SLC17A5: variants seen among roughly 807,000 people sequenced by gnomAD.
SLC17A5 encodes sialin.
Under a neutral mutation model 59.4 loss-of-function variants are expected in SLC17A5, and 47 were observed. That is an observed-to-expected ratio of 0.79 (90% confidence interval 0.63 to 1.01). The LOEUF (loss-of-function observed/expected upper bound fraction) is 1.01, where lower values mean the gene tolerates loss of function less well. Among genes scored for constraint, SLC17A5 ranks in the 50% least tolerant of loss-of-function variants. The pLI is 0.00. For missense variants in SLC17A5, 522 were observed against 595.5 expected (o/e 0.88, Z 1.28); for synonymous variants, 202 against 210.7 (o/e 0.96, Z 0.36).
At chr6:73,629,849 A>G (rs1429421293) in intron 6 of SLC17A5, among the ~76,000 whole-genome samples, 1 of 152,198 alleles carries the variant, frequency 6.6e-6, no homozygotes, top group African/African-American at 2.4e-5. Flanking sequence ...GAACACTTCA[A>G]TGGGTGAAGT....
chr6:73,596,065 C>T (rs962807729), intron 10 of SLC17A5, among the ~76,000 whole-genome samples: 2 of 151,796 alleles, frequency 1.3e-5, no homozygotes, highest in South Asian at 2.1e-4. Context: ...CTCAGCCTCC[C>T]GCAGTGATGG....
intron 8 of SLC17A5, among the ~76,000 whole-genome samples, chr6:73,613,368 T>TA (rs1561988947): frequency 7.9e-6 from 1 of 126,140 alleles, no homozygotes; most frequent in African/African-American, 3.5e-5. Flanking sequence ...AAATCTTTTA[T>TA]AAATTTTTTT....
At chr6:73,603,893 A>C (rs964004280) in intron 9 of SLC17A5, among the ~76,000 whole-genome samples, 5 of 151,558 alleles carry the variant, frequency 3.3e-5, no homozygotes, top group Non-Finnish European at 5.9e-5. Flanking sequence ...TTTAGGTTTA[A>C]TGTTTTTGGT....
chr6:73,616,678 G>A (rs974383380), intron 7 of SLC17A5, among the ~76,000 whole-genome samples: 1 of 148,278 alleles, frequency 6.7e-6, no homozygotes, highest in African/African-American at 2.5e-5. Context: ...GCGTGATCTT[G>A]GCTCATTGCA....
intron 9 of SLC17A5, among the ~76,000 whole-genome samples, chr6:73,606,347 T>A (rs1323387099): frequency 6.6e-6 from 1 of 152,150 alleles, no homozygotes; most frequent in Admixed American, 6.5e-5. Context: ...CGGGCCTACT[T>A]ACATTTGGAA....
chr6:73,642,861 G>A (rs1034762730), intron 2 of SLC17A5, among the ~76,000 whole-genome samples: 1 of 152,106 alleles, frequency 6.6e-6, no homozygotes, highest in Non-Finnish European at 1.5e-5. Flanking sequence ...CTTATTTAGG[G>A]TACCAATTTG....
chr6:73,616,580 C>CACACACACACACA lies in SLC17A5; in HGVS notation c.979-1134_979-1133insTGTGTGTGTGTGT, dbSNP rs60454712. Reference sequence around the variant, plus strand: ...ACACACACACACACACACACACACACGTTTATTTTTAACAGAACTGGAGAG... The same window carrying CACACACACACACA: ...ACACACACACACACACACACACACACACACACACACACAGTTTATTTTTAACAGAACTGGAGAG... On this transcript the variant is annotated intron_variant, in intron 7 of 10. Coordinates refer to ENST00000355773, the MANE Select transcript of SLC17A5 (RefSeq NM_012434.5). Among the ~76,000 whole-genome samples the CACACACACACACA allele has an allele frequency of 4.3e-3, 427 of 100,146 alleles. 3 individuals are homozygous for CACACACACACACA. The highest frequency in any genetic ancestry group is 0.014 in the African/African-American group (391 of 27,502). The allele number at this position is 100,146 out of a possible 152,430, so 65.7% of individuals were successfully genotyped here.
intron 1 of SLC17A5, among the ~76,000 whole-genome samples, chr6:73,651,415 C>T (rs1392929441): frequency 3.9e-5 from 5 of 126,668 alleles, no homozygotes; most frequent in Admixed American, 9.2e-5. Flanking sequence ...GAGCCGAGAT[C>T]GCACCACTGC....
intron 6 of SLC17A5, among the ~76,000 whole-genome samples, chr6:73,622,880 A>C (rs545125191): frequency 6.6e-6 from 1 of 152,302 alleles, no homozygotes; most frequent in South Asian, 2.1e-4. Flanking sequence ...TATTATAAAA[A>C]TAAAAAAACA....
intron 9 of SLC17A5, among the ~76,000 whole-genome samples, chr6:73,609,742 T>C (rs1767562618): frequency 6.6e-6 from 1 of 152,186 alleles, no homozygotes; most frequent in African/African-American, 2.4e-5. Flanking sequence ...TAGTTAAAAG[T>C]TTAAATTTAA....
chr6:73,643,448 C>T (rs1409254235), intron 2 of SLC17A5, among the ~76,000 whole-genome samples: 1 of 150,852 alleles, frequency 6.6e-6, no homozygotes, highest in Non-Finnish European at 1.5e-5. Context: ...GTGTGAGCCA[C>T]CGCGCCCGGC....
At position 73,601,172 on chromosome 6, in the gene SLC17A5, G is replaced by A. The variant is rs544388881; in HGVS notation, c.1260-731C>T. Among the ~76,000 whole-genome samples the A allele has an allele frequency of 2.5e-3, 379 of 149,444 alleles. 3 individuals are homozygous for A. The highest frequency in any genetic ancestry group is 8.4e-3 in the African/African-American group (340 of 40,506). The stretch of plus-strand genomic sequence containing the variant: ...TGCCCGGCCGCCCATCGTCTGAGAT[G>A]TGGGGAGCGCCTCTGCCCCGCCGCC... On this transcript the variant is annotated intron_variant, in intron 9 of 10. Transcript: ENST00000355773.
At chr6:73,624,037 C>G (rs575451219) in intron 6 of SLC17A5, among the ~76,000 whole-genome samples, 1 of 151,956 alleles carries the variant, frequency 6.6e-6, no homozygotes, top group Non-Finnish European at 1.5e-5. Flanking sequence ...TCAACTACTT[C>G]GCCAAGCAAA....
intron 3 of SLC17A5, among the ~76,000 whole-genome samples, chr6:73,641,488 G>A (rs908155823): frequency 1.1e-4 from 16 of 151,996 alleles, no homozygotes; most frequent in African/African-American, 2.9e-4. Flanking sequence ...TTCCAATTTC[G>A]GGGTGCTCCT....
intron 9 of SLC17A5, among the ~76,000 whole-genome samples, chr6:73,607,159 T>C (rs1268498633): frequency 6.6e-6 from 1 of 152,240 alleles, no homozygotes; most frequent in Non-Finnish European, 1.5e-5. Flanking sequence ...CTTTATTGCA[T>C]TATGAGCAAA....
chr6:73,625,746 T>C (rs1768379887), intron 6 of SLC17A5, among the ~76,000 whole-genome samples: 1 of 152,164 alleles, frequency 6.6e-6, no homozygotes, highest in African/African-American at 2.4e-5. Flanking sequence ...TCCCAAACTT[T>C]GCTGCATATA....
intron 6 of SLC17A5, among the ~76,000 whole-genome samples, chr6:73,622,637 T>C (rs917953309): frequency 3.3e-5 from 5 of 152,182 alleles, no homozygotes; most frequent in Non-Finnish European, 5.9e-5. Context: ...ATTCAGAGGT[T>C]GACATAAGGA....
chr6:73,641,823 G>T lies in SLC17A5; in HGVS notation c.393C>A (p.Ser131Arg). 6.2e-7 allele frequency: 1 copy of T among 1,614,058 alleles called. No homozygotes were observed. Among genetic ancestry groups the T allele is most frequent in the Non-Finnish European group, 8.5e-7 (1 of 1,180,014 alleles). Residue 131 changes from serine (S) to arginine (R), a missense_variant, in exon 3 of 11, where the codon AGC (serine) becomes AGA (arginine). Ser to Arg is a moderately radical substitution (Grantham distance 110). Transcript: ENST00000355773. ...ITQIPGGYVA[S>R]KIGGKMLLGF... ...CTAGCAGCATTTTCCCCCCTATTTTGCTGGCAACATATCCTCCAGGAATCT... is the reference window on the plus strand; with the variant it reads ...CTAGCAGCATTTTCCCCCCTATTTTTCTGGCAACATATCCTCCAGGAATCT...
chr6:73,644,401 A>G lies in SLC17A5; in HGVS notation c.291+6T>C, dbSNP rs1311772347. ...TAAAATTGTTTCCTTAAAAAATAGC[A>G]CCTACCGTTTGATTATGATGAACTT... On this transcript the variant is annotated splice_donor_region_variant and intron_variant, in intron 2 of 10. Coordinates refer to ENST00000355773, the MANE Select transcript of SLC17A5 (RefSeq NM_012434.5). The G allele has an allele frequency of 6.2e-7, 1 of 1,608,552 alleles. No homozygotes were observed. The highest frequency in any genetic ancestry group is 8.5e-7 in the Non-Finnish European group (1 of 1,175,646).
Sources: allele counts gnomAD v4.1 joint callset (sites outside exome capture counted in the v4.1 genomes callset), GRCh38; gene constraint gnomAD v4.1.1; transcripts MANE v1.5; gene names NCBI Gene and HGNC (gene_info 2026-07-23, HGNC 2026-07-21).